Variants in LIG3 observed in about 807,000 individuals in gnomAD.
LIG3 encodes ligase II, DNA, ATP-dependent.
A neutral mutation model predicts 110.9 loss-of-function variants in LIG3; 58 were observed. That is an observed-to-expected ratio of 0.52 (90% confidence interval 0.42 to 0.65). The LOEUF is 0.65. Among genes scored for constraint, LIG3 ranks in the 30% least tolerant of loss-of-function variants. The pLI is 0.00. For synonymous variants in LIG3, 422 were observed against 472.8 expected, an observed-to-expected ratio of 0.89 and a Z score of 1.39; for missense variants, 1,094 against 1,273.8, an observed-to-expected ratio of 0.86 and a Z score of 2.15.
At position 34,996,610 on chromosome 17, in the gene LIG3, GT is replaced by G; in HGVS notation, c.1785del (p.Phe595LeufsTer11). The G allele has an allele frequency of 6.2e-7, 1 of 1,614,048 alleles. No individual in the cohort carries two copies. Among genetic ancestry groups the G allele is most frequent in the Middle Eastern group, 1.7e-4 (1 of 6,060 alleles). On this transcript the variant is annotated frameshift_variant, in exon 11 of 20. Coordinates refer to ENST00000378526, the MANE Select transcript of LIG3 (RefSeq NM_013975.4). LOFTEE classifies it high-confidence loss of function. Reference protein sequence around the residue: ...AFQDANVCLFVFDCIYFNDVS... With the variant: ...AFQDANVCLFXFDCIYFNDVS... ...CCAGGATGCTAATGTCTGCCTGTTT[GT>G]TTTTGATTGTATCTACTTTAATGAT...
At chr17:34,999,752 C>T in intron 15 of LIG3, 30 bp from the exon 16 acceptor site, 2 of 1,593,816 alleles carry the variant, frequency 1.3e-6, no homozygotes, top group Non-Finnish European at 1.7e-6. Context: ...AGGTTGGGAA[C>T]AGCCCAAAGT....
At position 34,989,490 on chromosome 17, in the gene LIG3, C is replaced by T; in HGVS notation, c.716C>T (p.Ala239Val). 6.2e-7 allele frequency: 1 copy of T among 1,614,006 alleles called. No individual in the cohort carries two copies. Among genetic ancestry groups the T allele is most frequent in the Non-Finnish European group, 8.5e-7 (1 of 1,179,978 alleles). Reference sequence around the variant, plus strand: ...GCCAAGCCCAACAACTCTGGGGAAGCCCCCTCGAGCCCCACCCCTAAGAGA... The same window carrying T: ...GCCAAGCCCAACAACTCTGGGGAAGTCCCCTCGAGCCCCACCCCTAAGAGA... The part of the protein sequence containing the change: ...FSAKPNNSGE[A>V]PSSPTPKRSL... The change falls in exon 4 of 20, where the codon GCC becomes GTC. Residue 239 changes from alanine to valine, a missense_variant. Coordinates refer to ENST00000378526, the MANE Select transcript of LIG3 (RefSeq NM_013975.4).
chr17:34,993,494 T>C (rs2090747167), intron 8 of LIG3, among the ~76,000 whole-genome samples: 1 of 152,236 alleles, frequency 6.6e-6, no homozygotes, highest in Non-Finnish European at 1.5e-5. Flanking sequence ...TTTCTGACTT[T>C]TATAAAAATG....
rs1363676082 is a variant in LIG3 at position 35,009,585 on chromosome 17, GC to G, written c.*5080del. 7.0e-6 allele frequency: 1 copy of G among 143,854 alleles called. No individual in the cohort carries two copies. Among genetic ancestry groups the G allele is most frequent in the Admixed American group, 6.8e-5 (1 of 14,726 alleles). 8.9% of individuals were successfully genotyped at this position (143,854 alleles called of 1,614,324 possible). On this transcript the variant is annotated 3_prime_UTR_variant, in exon 20 of 20. Coordinates refer to ENST00000378526, the MANE Select transcript of LIG3 (RefSeq NM_013975.4). ...TTTAATTTGGTGTAATAAAAATGAT[GC>G]AAAAAAAAAAAAAATCAGGGTTGTT...
intron 2 of LIG3, among the ~76,000 whole-genome samples, chr17:34,985,267 G>A (rs1345453359): frequency 6.6e-6 from 1 of 152,142 alleles, no homozygotes; most frequent in East Asian, 1.9e-4. Flanking sequence ...TTCAGTGTCT[G>A]TAAAATAATG....
intron 2 of LIG3, among the ~76,000 whole-genome samples, chr17:34,984,233 A>T (rs1056417274): frequency 6.6e-6 from 1 of 152,230 alleles, no homozygotes; most frequent in Admixed American, 6.5e-5. Flanking sequence ...TGTTGCATTT[A>T]GTTGTCATGT....
At chr17:35,010,555 C>G (rs1182128962), downstream of LIG3, 2 of 152,092 alleles carry the variant, frequency 1.3e-5, no homozygotes, top group East Asian at 1.9e-4. Flanking sequence ...AGTTCAAGAC[C>G]AGCCTGGTGA....
chr17:34,993,434 G>T (rs541738335), intron 8 of LIG3, among the ~76,000 whole-genome samples: 4 of 152,340 alleles, frequency 2.6e-5, no homozygotes, highest in South Asian at 2.1e-4. Flanking sequence ...CATCAAAACA[G>T]TGAGATCTCC....
In LIG3 at chr17:34,999,238, G is replaced by A. The variant is rs1185391117; in HGVS notation, c.2114-69G>A. Reference sequence around the variant, plus strand: ...GGCCAGGACCCAAGGTCCTCTCCCTGGCCCTGGGCTCTTGGGACTGGCAGA... The same window carrying A: ...GGCCAGGACCCAAGGTCCTCTCCCTAGCCCTGGGCTCTTGGGACTGGCAGA... On this transcript the variant is annotated intron_variant, in intron 14 of 19. Transcript: ENST00000378526. 3.9e-6 allele frequency: 6 copies of A among 1,536,102 alleles called. No homozygotes were observed. In the East Asian group the frequency reaches 1.4e-4, roughly 35 times the overall value.
intron 11 of LIG3, chr17:34,997,115 G>A (rs1020834638): frequency 4.8e-5 from 8 of 165,844 alleles, no homozygotes; most frequent in South Asian, 1.6e-4. Context: ...AGGAAGCTCC[G>A]GATTATAGGG....
intron 10 of LIG3, 106 bp downstream of exon 10, chr17:34,996,301 C>T (rs2090776985): frequency 1.5e-6 from 2 of 1,311,966 alleles, no homozygotes; most frequent in Non-Finnish European, 1.0e-6. Flanking sequence ...CTTAGTGTGG[C>T]CCTTATTCTT....
intron 9 of LIG3, among the ~76,000 whole-genome samples, chr17:34,995,314 C>T (rs1357726880): frequency 2.0e-5 from 3 of 152,300 alleles, no homozygotes; most frequent in South Asian, 4.1e-4. Flanking sequence ...TGCAGGTTCA[C>T]GTGTTCTGTG....
chr17:34,987,234 G>A (rs1245373251), intron 3 of LIG3, among the ~76,000 whole-genome samples: 1 of 152,232 alleles, frequency 6.6e-6, no homozygotes, highest in Admixed American at 6.5e-5. Flanking sequence ...GAGAAGATCA[G>A]GATCATTTAT....
At position 34,991,281 on chromosome 17, in the gene LIG3, G is replaced by T; in HGVS notation, c.1041+167G>T. The T allele has an allele frequency of 7.6e-6, 5 of 657,746 alleles. No individual in the cohort carries two copies. In the South Asian group the frequency reaches 1.0e-4, roughly 13 times the overall value. 40.7% of individuals were successfully genotyped at this position (657,746 alleles called of 1,614,324 possible). ...AGGGGGAGCTGAATGTGAGGCTATA[G>T]CTCTTAATTTCTTAAGTTTCTGAGG... On this transcript the variant is annotated intron_variant, in intron 5 of 19. Transcript: ENST00000378526.
intron 5 of LIG3, 28 bp downstream of exon 5, chr17:34,991,142 T>C (rs952538970): frequency 3.1e-6 from 5 of 1,610,368 alleles, no homozygotes; most frequent in Non-Finnish European, 4.2e-6. Flanking sequence ...GAGGGTAGGC[T>C]ACATTCCAGG....
chr17:34,999,485 C>T lies in LIG3; in HGVS notation c.2256+36C>T, dbSNP rs757744030. ...GACCTGGTTGGCCATGGCCTCTGGA[C>T]TGGCCGCCATCACTGAGACAGAGGC... On this transcript the variant is annotated intron_variant, in intron 15 of 19. Transcript: ENST00000378526. 2.5e-6 allele frequency: 4 copies of T among 1,600,008 alleles called. No individual in the cohort carries two copies. The East Asian group carries it at 9.0e-5, about 36-fold the overall frequency.
chr17:34,997,568 G>A (rs1466229815), intron 11 of LIG3, 170 bp from the exon 12 acceptor site: 9 of 588,908 alleles, frequency 1.5e-5, no homozygotes, highest in African/African-American at 7.4e-5. Context: ...CTTCGGTCAC[G>A]ATGGAGCCCT....
rs761739274 is a variant in LIG3 at position 35,005,657 on chromosome 17, C to T, written c.*1151C>T. 1.8e-6 allele frequency: 1 copy of T among 567,838 alleles called. No individual in the cohort carries two copies. The highest frequency in any genetic ancestry group is 4.5e-5 in the East Asian group (1 of 22,136). 35.2% of individuals were successfully genotyped at this position (567,838 alleles called of 1,614,324 possible). A position where few individuals can be genotyped will look rare whatever the true frequency, so the allele number is the denominator to read the frequency against. ...CTCAATCGATTTTTTTTCTTCTATT[C>T]ATTGGATTCGTCTGTGTCCTACTGA... is the stretch of plus-strand genomic sequence containing the variant. On this transcript the variant is annotated 3_prime_UTR_variant, in exon 20 of 20. Coordinates refer to ENST00000378526, the MANE Select transcript of LIG3 (RefSeq NM_013975.4).
chr17:34,980,656 G>A, intron 1 of LIG3, 34 bp downstream of exon 1: 5 of 1,164,670 alleles, frequency 4.3e-6, no homozygotes, highest in Admixed American at 3.2e-5. Context: ...CGGCGCGGCG[G>A]GGCCCGGCGT....
Sources: gnomAD v4.1 joint callset for allele counts (sites outside exome capture counted in the v4.1 genomes callset) on GRCh38, gnomAD v4.1.1 for gene constraint, MANE v1.5 for transcripts, NCBI Gene and HGNC (gene_info 2026-07-23, HGNC 2026-07-21) for gene names.